Variants in RASGRF2 observed in about 807,000 individuals in gnomAD.
RASGRF2 encodes Ras protein specific guanine nucleotide releasing factor 2.
RASGRF2 carries 76 observed loss-of-function variants against 151.0 expected under a neutral mutation model. That is an observed-to-expected ratio of 0.50 (90% confidence interval 0.42 to 0.61). The LOEUF (loss-of-function observed/expected upper bound fraction) is 0.61, where lower values mean the gene tolerates loss of function less well. Among genes scored for constraint, RASGRF2 ranks in the 20% least tolerant of loss-of-function variants. The probability of loss-of-function intolerance (pLI) is 0.00; values close to 1 mark genes in which losing one functional copy is unlikely to be tolerated. For missense variants in RASGRF2, 1,148 were observed against 1,564.6 expected (o/e 0.73, Z 4.49); for synonymous variants, 504 against 566.5 (o/e 0.89, Z 1.57).
At chr5:81,038,555 T>C (rs1288908271) in intron 1 of RASGRF2, among the ~76,000 whole-genome samples, 2 of 150,962 alleles carry the variant, frequency 1.3e-5, no homozygotes, top group East Asian at 1.9e-4. Flanking sequence ...AATATTGATT[T>C]GTAAATATTT....
At chr5:81,092,735 C>T (rs2592094) in intron 9 of RASGRF2, 66 bp from the exon 10 acceptor site, 633,477 of 1,446,596 alleles carry the variant, frequency 0.44, 141,219 homozygotes, top group Middle Eastern at 0.6. Context: ...TGTTTATTGC[C>T]GTGGACATGG....
At chr5:81,201,478 G>C (rs777485823) in intron 19 of RASGRF2, 36 bp downstream of exon 19, 1 of 1,590,188 alleles carries the variant, frequency 6.3e-7, no homozygotes, top group Non-Finnish European at 8.6e-7. Flanking sequence ...GGATGACATT[G>C]GTTGATTCCT....
intron 1 of RASGRF2, among the ~76,000 whole-genome samples, chr5:81,011,698 G>A (rs984571217): frequency 5.3e-5 from 8 of 151,454 alleles, no homozygotes; most frequent in African/African-American, 1.2e-4. Flanking sequence ...CTGAGATCGA[G>A]CCATTGCACT....
intron 1 of RASGRF2, among the ~76,000 whole-genome samples, chr5:81,040,023 G>T (rs868756829): frequency 6.6e-6 from 1 of 152,002 alleles, no homozygotes; most frequent in African/African-American, 2.4e-5. Context: ...TTGAGACAGG[G>T]TCTTGCTCTG....
chr5:80,985,663 C>T (rs906816662), intron 1 of RASGRF2, among the ~76,000 whole-genome samples: 1 of 152,136 alleles, frequency 6.6e-6, no homozygotes, highest in African/African-American at 2.4e-5. Flanking sequence ...TGTTTTGCTA[C>T]AATTGTGATC....
chr5:81,223,914 T>G (rs1184462599), intron 26 of RASGRF2, among the ~76,000 whole-genome samples: 1 of 152,190 alleles, frequency 6.6e-6, no homozygotes, highest in Non-Finnish European at 1.5e-5. Flanking sequence ...GGATAAAATA[T>G]TCATGACCTT....
intron 12 of RASGRF2, among the ~76,000 whole-genome samples, chr5:81,106,582 C>A (rs775535356): frequency 2.0e-5 from 3 of 152,170 alleles, no homozygotes; most frequent in Non-Finnish European, 2.9e-5. Context: ...ATTATGAATG[C>A]GTGCACCAGC....
At chr5:81,080,979 G>C (rs1331837295) in intron 7 of RASGRF2, among the ~76,000 whole-genome samples, 190 bp downstream of exon 7, 1 of 152,164 alleles carries the variant, frequency 6.6e-6, no homozygotes, top group Admixed American at 6.5e-5. Flanking sequence ...GTGTCTCATG[G>C]ATATAAGAAA....
At position 81,031,849 on chromosome 5, in the gene RASGRF2, A is replaced by G. The variant is rs965695158; in HGVS notation, c.289-11028A>G. Among the ~76,000 whole-genome samples, 6 of 152,224 alleles carry G rather than the reference A, an allele frequency of 3.9e-5. No individual in the cohort carries two copies. The East Asian group carries it at 1.2e-3, about 29-fold the overall frequency. ...ACATAAAATACCCTTCAAAAAATCA[A>G]TGAATCCAGGAGCTGGTTTTTTGAA... On this transcript the variant is annotated intron_variant, in intron 1 of 26. Coordinates refer to ENST00000265080, the MANE Select transcript of RASGRF2 (RefSeq NM_006909.3).
chr5:81,186,319 G>A (rs2112685810), intron 18 of RASGRF2, among the ~76,000 whole-genome samples: 1 of 152,282 alleles, frequency 6.6e-6, no homozygotes, highest in South Asian at 2.1e-4. Context: ...TCCAGCACCT[G>A]AGAGGGGCCT....
At chr5:81,147,277 T>C (rs755482823) in intron 17 of RASGRF2, among the ~76,000 whole-genome samples, 2 of 152,226 alleles carry the variant, frequency 1.3e-5, no homozygotes, top group Non-Finnish European at 2.9e-5. Context: ...CAGCAGATTT[T>C]TTTTTTAACT....
intron 18 of RASGRF2, among the ~76,000 whole-genome samples, chr5:81,200,928 AGTGTGTTGGGGGCGTGGT>A (rs1267544195): frequency 6.6e-6 from 1 of 151,198 alleles, no homozygotes; most frequent in Admixed American, 6.6e-5. Context: ...GGACAGTGTG[AGTGTGTTGGGGGCGTGGT>A]GTGTGTTGGG....
At chr5:80,988,008 CGTGTGTGTGTGTGTGTGT>C (rs58750663) in intron 1 of RASGRF2, among the ~76,000 whole-genome samples, 4 of 139,394 alleles carry the variant, frequency 2.9e-5, no homozygotes, top group South Asian at 5.0e-4. Flanking sequence ...AATAAATGTG[CGTGTGTGTGTGTGTGTGT>C]GTGTGTGTGT....
At position 81,206,222 on chromosome 5, in the gene RASGRF2, A is replaced by T. The variant is rs1413311582; in HGVS notation, c.2907-623A>T. 4.0e-5 allele frequency among the ~76,000 whole-genome samples: 6 copies of T among 149,318 alleles called. No homozygotes were observed. The South Asian group carries it at 1.3e-3, about 32-fold the overall frequency. ...TCATTCATTCATCATTTATTTTTTT[A>T]AAAGATATTTATTGAGAGCTGAATA... On this transcript the variant is annotated intron_variant, in intron 19 of 26. Transcript: ENST00000265080.
chr5:81,111,790 A>C (rs1245081539), intron 13 of RASGRF2, among the ~76,000 whole-genome samples: 2 of 152,202 alleles, frequency 1.3e-5, no homozygotes, highest in African/African-American at 4.8e-5. Flanking sequence ...ACCTAACCCT[A>C]TATCCATCAG....
intron 12 of RASGRF2, among the ~76,000 whole-genome samples, chr5:81,100,917 A>G (rs562366446): frequency 6.6e-6 from 1 of 152,240 alleles, no homozygotes; most frequent in African/African-American, 2.4e-5. Context: ...ATGGCAACAC[A>G]GTAGACCGCT....
intron 2 of RASGRF2, among the ~76,000 whole-genome samples, chr5:81,047,238 C>T (rs1398496867): frequency 6.6e-6 from 1 of 152,170 alleles, no homozygotes; most frequent in Non-Finnish European, 1.5e-5. Flanking sequence ...CTGTGAGACA[C>T]TGAATTGATC....
At chr5:80,984,778 G>A (rs1748424852) in intron 1 of RASGRF2, among the ~76,000 whole-genome samples, 1 of 152,166 alleles carries the variant, frequency 6.6e-6, no homozygotes, top group Non-Finnish European at 1.5e-5. Flanking sequence ...CTCAATGCCC[G>A]ACTATAAAGA....
chr5:81,041,021 T>G (rs1750661194), intron 1 of RASGRF2, among the ~76,000 whole-genome samples: 1 of 152,152 alleles, frequency 6.6e-6, no homozygotes, highest in African/African-American at 2.4e-5. Flanking sequence ...TGTCTGAGAT[T>G]GGCCAGGCAC....
Sources: gnomAD v4.1 joint callset for allele counts (sites outside exome capture counted in the v4.1 genomes callset) on GRCh38, gnomAD v4.1.1 for gene constraint, MANE v1.5 for transcripts, NCBI Gene and HGNC (gene_info 2026-07-23, HGNC 2026-07-21) for gene names.